NAV1: variants seen among roughly 807,000 people sequenced by gnomAD.
NAV1 encodes the protein pore membrane and/or filament interacting like protein 3.
Under a neutral mutation model 175.2 loss-of-function variants are expected in NAV1, and 18 were observed. The observed-to-expected ratio is 0.10, with a 90% CI of 0.07 to 0.15. The LOEUF (loss-of-function observed/expected upper bound fraction) is 0.15, where lower values mean the gene tolerates loss of function less well. Among genes scored for constraint, NAV1 ranks in the 10% least tolerant of loss-of-function variants. NAV1 has a pLI of 1.00. For synonymous variants in NAV1, 897 were observed against 978.7 expected, an observed-to-expected ratio of 0.92 and a Z score of 1.56; for missense variants, 1,731 against 2,436.6, an observed-to-expected ratio of 0.71 and a Z score of 6.10.
At chr1:201,744,307 T>G (rs570521158) in intron 3 of NAV1, among the ~76,000 whole-genome samples, 26 of 131,522 alleles carry the variant, frequency 2.0e-4, no homozygotes, top group African/African-American at 7.6e-4. Flanking sequence ...CGGCTATGTA[T>G]GTATGTATGT....
chr1:201,602,811 C>T (rs141701299), intron 2 of NAV1, among the ~76,000 whole-genome samples: 214 of 152,164 alleles, frequency 1.4e-3, no homozygotes, highest in African/African-American at 5.0e-3. Context: ...AGCTCCTACT[C>T]ACACTCCTGC....
At chr1:201,786,605 C>A in intron 9 of NAV1, 28 bp downstream of exon 13, 1 of 1,602,430 alleles carries the variant, frequency 6.2e-7, no homozygotes, top group Non-Finnish European at 8.5e-7. Context: ...CTCACTGTGG[C>A]ATGGGGTGAA....
intron 11 of NAV1, 80 bp downstream of exon 15, chr1:201,789,872 G>A: frequency 7.2e-7 from 1 of 1,395,724 alleles, no homozygotes; most frequent in Middle Eastern, 1.8e-4. Flanking sequence ...TTGGAGTTGG[G>A]TAACTGGGCG....
intron 1 of NAV1, among the ~76,000 whole-genome samples, chr1:201,658,228 G>C (rs537714951): frequency 6.6e-6 from 1 of 152,258 alleles, no homozygotes; most frequent in East Asian, 1.9e-4. Context: ...CTGAAGTTCT[G>C]GGCCCTGCTT....
chr1:201,689,844 T>C (rs1336770872), intron 1 of NAV1, among the ~76,000 whole-genome samples: 2 of 152,236 alleles, frequency 1.3e-5, no homozygotes, highest in Non-Finnish European at 2.9e-5. Context: ...GGGTTGGAGA[T>C]TCTGCTCCCC....
At chr1:201,809,199 C>A in exon 21 of NAV1, 1 of 1,613,940 alleles carries the variant, frequency 6.2e-7, no homozygotes. Flanking sequence ...TACTTGTGGT[C>A]CAAAGGAGGA....
chr1:201,685,429 G>T (rs1450658599), intron 1 of NAV1, among the ~76,000 whole-genome samples: 1 of 152,126 alleles, frequency 6.6e-6, no homozygotes, highest in Non-Finnish European at 1.5e-5. Context: ...GGGCTGTAAG[G>T]CAAATGAGCT....
At chr1:201,744,991 G>A (rs1277449525) in intron 3 of NAV1, among the ~76,000 whole-genome samples, 4 of 152,180 alleles carry the variant, frequency 2.6e-5, no homozygotes, top group Admixed American at 1.3e-4. Context: ...GTCAGCTCAC[G>A]TTTAGTTCAT....
intron 17 of NAV1, 22 bp downstream of exon 21, chr1:201,804,519 C>A: frequency 6.5e-7 from 1 of 1,542,754 alleles, no homozygotes; most frequent in Non-Finnish European, 8.7e-7. Flanking sequence ...AGTTCCTATC[C>A]CCTTATTTTC....
chr1:201,549,106 TC>T lies in NAV1; in HGVS notation c.-144+9765del, dbSNP rs374147407. 1.7e-3 allele frequency among the ~76,000 whole-genome samples: 262 copies of T among 149,888 alleles called. 1 individual carries two copies. The highest frequency in any genetic ancestry group is 3.5e-3 in the Middle Eastern group (1 of 288). On this transcript the variant is annotated intron_variant, in intron 1 of 33. Coordinates refer to the NAV1 transcript ENST00000685211. ...TTCTTTCTTTCTTTCTTTCTTTCTT[TC>T]TTTCTTTCTTTCTTTCTTTCTTTCT...
rs180680546 is a variant in NAV1 at position 201,588,018 on chromosome 1, A to G, written c.-143-521A>G. On this transcript the variant is annotated intron_variant, in intron 1 of 33. Transcript: ENST00000685211. ...AAAACAGTTTGGCAATTTCTCAAAA[A>G]GTTAAACATGGAGATGAGATACACT... 1.7e-3 allele frequency among the ~76,000 whole-genome samples: 256 copies of G among 152,358 alleles called. 1 individual carries two copies. Among genetic ancestry groups the G allele is most frequent in the African/African-American group, 5.8e-3 (243 of 41,594 alleles).
chr1:201,700,053 A>G (rs971698456), intron 1 of NAV1, among the ~76,000 whole-genome samples: 8 of 152,210 alleles, frequency 5.3e-5, no homozygotes, highest in African/African-American at 1.9e-4. Context: ...TGACTAAAAC[A>G]CCAAAAGCAA....
At chr1:201,648,179 G>A, upstream of NAV1, 7 of 943,830 alleles carry the variant, frequency 7.4e-6, no homozygotes, top group Non-Finnish European at 7.6e-6. Context: ...CGGAGCTGCA[G>A]CCTGCAGCCT....
At chr1:201,817,048 G>A (rs1219798217) in intron 28 of NAV1, 40 bp from the exon 33 acceptor site, 1 of 1,593,322 alleles carries the variant, frequency 6.3e-7, no homozygotes, top group Non-Finnish European at 8.6e-7. Flanking sequence ...CCTCTAATCT[G>A]TTAATTCCCC....
At chr1:201,579,999 A>G (rs1666801677) in intron 1 of NAV1, among the ~76,000 whole-genome samples, 1 of 152,218 alleles carries the variant, frequency 6.6e-6, no homozygotes, top group Admixed American at 6.5e-5. Context: ...CAAAGGCCTG[A>G]GAAACTGGGG....
chr1:201,768,762 C>G (rs1675376591), intron 3 of NAV1, among the ~76,000 whole-genome samples: 1 of 151,866 alleles, frequency 6.6e-6, no homozygotes, highest in African/African-American at 2.4e-5. Context: ...TGAAAGTGCC[C>G]AGGTTTGACC....
At chr1:201,592,270 A>ACAG (rs2102215341) in intron 2 of NAV1, among the ~76,000 whole-genome samples, 1 of 152,328 alleles carries the variant, frequency 6.6e-6, no homozygotes, top group East Asian at 1.9e-4. Flanking sequence ...GGAATCAGCA[A>ACAG]CAGCAGACAC....
intron 1 of NAV1, among the ~76,000 whole-genome samples, chr1:201,555,869 C>T (rs372235254): frequency 0.01 from 619 of 59,130 alleles, 3 homozygotes; most frequent in Non-Finnish European, 0.016. Context: ...AGATGGGGGG[C>T]GGGGGGCGGG....
chr1:201,699,152 C>T (rs955087922), intron 1 of NAV1, among the ~76,000 whole-genome samples: 1 of 152,140 alleles, frequency 6.6e-6, no homozygotes, highest in Non-Finnish European at 1.5e-5. Flanking sequence ...GTCAAATTGC[C>T]CCTGTTTGCA....
Sources: gnomAD v4.1 joint callset for allele counts (sites outside exome capture counted in the v4.1 genomes callset) on GRCh38, gnomAD v4.1.1 for gene constraint, MANE v1.5 for transcripts, NCBI Gene and HGNC (gene_info 2026-07-23, HGNC 2026-07-21) for gene names.